Variants in RP1 observed in about 807,000 individuals in gnomAD.
The protein encoded by RP1 is RP1 axonemal microtubule associated.
In RP1, 16 loss-of-function variants were observed where a neutral mutation model predicts 14.8. The observed-to-expected ratio is 1.08, with a 90% confidence interval of 0.73 to 1.65. The LOEUF (loss-of-function observed/expected upper bound fraction) is 1.65, where lower values mean the gene tolerates loss of function less well. Among genes scored for constraint, RP1 ranks in the 40% most tolerant of loss-of-function variants. RP1 has a pLI of 0.00. For synonymous variants in RP1, 876 were observed against 883.6 expected (o/e 0.99, Z 0.15); for missense variants, 2,631 against 2,535.0 (o/e 1.04, Z -0.81).
At chr8:54,731,793 A>T (rs1808800793) in intron 17 of RP1, among the ~76,000 whole-genome samples, 1 of 152,162 alleles carries the variant, frequency 6.6e-6, no homozygotes, top group Non-Finnish European at 1.5e-5. Context: ...CATGGAAAAA[A>T]AATTCAGACT....
Position 54,628,524 on chromosome 8 carries a change from A to T in RP1, c.4642A>T (p.Ser1548Cys), listed in dbSNP as rs941588545. The change falls in exon 4 of 4, where the codon AGT (serine) becomes TGT (cysteine). Residue 1548 changes from serine to cysteine, a missense_variant. Ser to Cys is a moderately radical substitution (Grantham distance 112). Coordinates refer to ENST00000220676, the MANE Select transcript of RP1 (RefSeq NM_006269.2). ...LDFCYDSKQN[S>C]EKETNEGETK... ...TTTTTGCTATGATTCTAAGCAAAATAGTGAAAAGGAGACCAATGAAGGAGA... is the reference window on the plus strand; with the variant it reads ...TTTTTGCTATGATTCTAAGCAAAATTGTGAAAAGGAGACCAATGAAGGAGA... The T allele has an allele frequency of 4.3e-5, 69 of 1,613,926 alleles. No homozygotes were observed. The highest frequency in any genetic ancestry group is 5.8e-5 in the Non-Finnish European group (69 of 1,179,946).
intron 27 of RP1, among the ~76,000 whole-genome samples, chr8:54,862,040 C>G (rs1812354067): frequency 6.6e-6 from 1 of 152,054 alleles, no homozygotes; most frequent in African/African-American, 2.4e-5. Context: ...GTGTTACTAC[C>G]AGCACATAGT....
chr8:54,638,369 T>C (rs927001566), intron 3 of RP1, among the ~76,000 whole-genome samples: 8 of 146,864 alleles, frequency 5.4e-5, no homozygotes, highest in Non-Finnish European at 1.2e-4. Flanking sequence ...ACCCAGGAGG[T>C]GGAGGTTGCA....
chr8:54,723,154 G>A (rs1808573486), intron 16 of RP1, among the ~76,000 whole-genome samples: 1 of 152,192 alleles, frequency 6.6e-6, no homozygotes, highest in Non-Finnish European at 1.5e-5. Context: ...AGGACCAAGA[G>A]TACCTTCCCT....
intron 18 of RP1, among the ~76,000 whole-genome samples, chr8:54,737,478 G>A (rs1335504048): frequency 6.6e-6 from 1 of 152,208 alleles, no homozygotes; most frequent in African/African-American, 2.4e-5. Context: ...TATTTAAAGT[G>A]TGGTTTACCT....
At chr8:54,700,801 C>T (rs1477327581) in intron 13 of RP1, among the ~76,000 whole-genome samples, 1 of 152,126 alleles carries the variant, frequency 6.6e-6, no homozygotes, top group East Asian at 1.9e-4. Flanking sequence ...TATCTGGTGA[C>T]AGCTGTCATA....
At chr8:54,757,728 T>C (rs1456694800) in intron 21 of RP1, among the ~76,000 whole-genome samples, 2 of 152,128 alleles carry the variant, frequency 1.3e-5, no homozygotes, top group African/African-American at 4.8e-5. Context: ...ACCTAGAAAG[T>C]CCTAGAAATG....
rs768071984 is a variant in RP1 at position 54,625,309 on chromosome 8, A to G, written c.1427A>G (p.Gln476Arg). ...ACCTTAGTATCTGAAACTGAGGTTC[A>G]AGAGAAAATGATTGGACAGTTTTCA... The part of the protein sequence containing the change: ...SVTLVSETEV[Q>R]EKMIGQFSYS... The change falls in exon 4 of 4, where the codon CAA (glutamine) becomes CGA (arginine). Residue 476 changes from glutamine to arginine, a missense_variant. Transcript: ENST00000220676. The G allele has an allele frequency of 6.2e-7, 1 of 1,614,210 alleles. No individual in the cohort carries two copies. Among genetic ancestry groups the G allele is most frequent in the Non-Finnish European group, 8.5e-7 (1 of 1,180,038 alleles).
rs1805424828 is a variant in RP1 at position 54,605,820 on chromosome 8, T to G, written c.-12-15135T>G. Among the ~76,000 whole-genome samples the G allele has an allele frequency of 2.0e-5, 3 of 152,338 alleles. No individual in the cohort carries two copies. In the South Asian group the frequency reaches 6.2e-4, roughly 32 times the overall value. On this transcript the variant is annotated intron_variant, in intron 1 of 22. Coordinates refer to the RP1 transcript ENST00000636932. ...GGCCTTCTTTGTCTCTTTTGATCTT[T>G]GTTAGTTTAAAGTCTGTTTTATCCG... is the stretch of plus-strand genomic sequence containing the variant.
In RP1 at chr8:54,701,663, G is replaced by T. The variant is rs1369677581; in HGVS notation, c.1998+1G>T. On this transcript the variant is annotated splice_donor_variant, in intron 14 of 22. Coordinates refer to the RP1 transcript ENST00000636932. LOFTEE classifies it high-confidence loss of function. ...AAAAGAATTTGTGATTTTTGTCAAG[G>T]TAAAATGGAGAAAGTTATTAAAGTT... is the stretch of plus-strand genomic sequence containing the variant. The T allele has an allele frequency of 4.6e-6, 7 of 1,534,110 alleles. No homozygotes were observed. The highest frequency in any genetic ancestry group is 5.2e-6 in the Non-Finnish European group (6 of 1,145,946).
chr8:54,684,257 T>C (rs532311483), intron 12 of RP1, among the ~76,000 whole-genome samples: 27 of 152,290 alleles, frequency 1.8e-4, no homozygotes, highest in African/African-American at 6.3e-4. Context: ...ATCAGGGATA[T>C]TGGCCTGAAG....
chr8:54,699,481 A>G, exon 13 of RP1: 1 of 1,376,036 alleles, frequency 7.3e-7, no homozygotes, highest in Non-Finnish European at 9.5e-7. Context: ...CTTTGATGTT[A>G]TTTTCAACAA....
intron 19 of RP1, among the ~76,000 whole-genome samples, chr8:54,740,403 T>TAAAA (rs34753388): frequency 3.4e-4 from 27 of 80,242 alleles, no homozygotes; most frequent in African/African-American, 1.1e-3. Flanking sequence ...GCTTAAAAAG[T>TAAAA]AAAAAAAAAA....
In RP1 at chr8:54,583,151, C is replaced by G. The variant is rs1372202347; in HGVS notation, c.-13+23831C>G. ...GGCTTTGGGTTTGTCATAGATAGCT[C>G]TTATTATTTTGAGATACGTCCTATC... On this transcript the variant is annotated intron_variant, in intron 1 of 22. Coordinates refer to the RP1 transcript ENST00000636932. Among the ~76,000 whole-genome samples, 6 of 152,252 alleles carry G rather than the reference C, an allele frequency of 3.9e-5. No homozygotes were observed. The East Asian group carries it at 5.8e-4, about 15-fold the overall frequency.
intron 3 of RP1, among the ~76,000 whole-genome samples, chr8:54,638,141 A>G (rs1806385898): frequency 1.3e-5 from 2 of 152,146 alleles, no homozygotes; most frequent in Non-Finnish European, 2.9e-5. Flanking sequence ...AAATTCTCTT[A>G]TAGTTTATAA....
chr8:54,747,358 G>A (rs534207183), intron 19 of RP1, among the ~76,000 whole-genome samples: 1 of 152,268 alleles, frequency 6.6e-6, no homozygotes, highest in South Asian at 2.1e-4. Flanking sequence ...TCTAAAGGGA[G>A]CCCACATTTG....
At chr8:54,868,303 T>G (rs1812502894) in intron 28 of RP1, among the ~76,000 whole-genome samples, 1 of 152,186 alleles carries the variant, frequency 6.6e-6, no homozygotes, top group Non-Finnish European at 1.5e-5. Flanking sequence ...TGGTTTATTG[T>G]ATCATACTAT....
At chr8:54,820,769 G>T (rs1179771531) in intron 24 of RP1, among the ~76,000 whole-genome samples, 2 of 152,082 alleles carry the variant, frequency 1.3e-5, no homozygotes, top group African/African-American at 4.8e-5. Flanking sequence ...TTCTTATGAT[G>T]GTGTTTTCTT....
intron 22 of RP1, among the ~76,000 whole-genome samples, chr8:54,769,499 G>A (rs182832190): frequency 1.3e-5 from 2 of 152,052 alleles, no homozygotes; most frequent in Admixed American, 1.3e-4. Flanking sequence ...TGGTTAGCAG[G>A]GTTAGCAACG....
Sources: gnomAD v4.1 joint callset for allele counts (sites outside exome capture counted in the v4.1 genomes callset) on GRCh38, gnomAD v4.1.1 for gene constraint, MANE v1.5 for transcripts, NCBI Gene and HGNC (gene_info 2026-07-23, HGNC 2026-07-21) for gene names.